FBXO36: variants seen among roughly 807,000 people sequenced by gnomAD.
FBXO36 encodes the protein F-box protein 36, also known as F-box only protein 36.
A neutral mutation model predicts 17.0 loss-of-function variants in FBXO36; 18 were observed. That is an observed-to-expected ratio of 1.06 (90% CI 0.73 to 1.57). The LOEUF (loss-of-function observed/expected upper bound fraction) is 1.57, where lower values mean the gene tolerates loss of function less well. Among genes scored for constraint, FBXO36 ranks in the 40% most tolerant of loss-of-function variants. FBXO36 has a pLI of 0.00. For synonymous variants in FBXO36, 83 were observed against 85.3 expected (o/e 0.97, Z 0.15); for missense variants, 229 against 221.9 (o/e 1.03, Z -0.20).
intron 1 of FBXO36, among the ~76,000 whole-genome samples, chr2:229,947,960 A>T (rs1192131174): frequency 6.6e-6 from 1 of 152,172 alleles, no homozygotes; most frequent in East Asian, 1.9e-4. Flanking sequence ...TTTGGATTAG[A>T]TTACCTAGAC....
chr2:229,965,469 C>T (rs945929970), intron 1 of FBXO36, among the ~76,000 whole-genome samples: 1 of 151,082 alleles, frequency 6.6e-6, no homozygotes, highest in Non-Finnish European at 1.5e-5. Flanking sequence ...TGGTGTGCTG[C>T]ACCCATTAAC....
intron 1 of FBXO36, among the ~76,000 whole-genome samples, chr2:229,927,204 GACACATATAT>G (rs1236814555): frequency 1.3e-5 from 2 of 152,154 alleles, no homozygotes; most frequent in Non-Finnish European, 2.9e-5. Context: ...GTACTTTCAT[GACACATATAT>G]ATTCCTATTT....
At chr2:229,936,106 C>T (rs1024932101) in intron 1 of FBXO36, among the ~76,000 whole-genome samples, 2 of 152,108 alleles carry the variant, frequency 1.3e-5, no homozygotes, top group Admixed American at 6.6e-5. Context: ...AATGCTTGAA[C>T]CGGGAGGCAG....
chr2:230,011,327 C>T lies in FBXO36; in HGVS notation c.*443C>T, dbSNP rs2077414379. ...CATGAAGCTGGTGGCTGAGTGTCCC[C>T]ACCAGGAACTGTGAAGGGCACGTAC... On this transcript the variant is annotated 3_prime_UTR_variant, in exon 4 of 4. Coordinates refer to ENST00000283946, the MANE Select transcript of FBXO36 (RefSeq NM_174899.5). 5.8e-5 allele frequency: 9 copies of T among 155,138 alleles called. No homozygotes were observed. The highest frequency in any genetic ancestry group is 5.7e-4 in the Admixed American group (9 of 15,758). 9.6% of individuals were successfully genotyped at this position (155,138 alleles called of 1,614,324 possible).
chr2:229,954,827 G>A (rs1194092165), intron 1 of FBXO36, among the ~76,000 whole-genome samples: 3 of 150,942 alleles, frequency 2.0e-5, no homozygotes, highest in Non-Finnish European at 2.9e-5. Context: ...GATTACAGGC[G>A]TGAGCCACCA....
chr2:229,961,095 C>T (rs1004354547), intron 1 of FBXO36, among the ~76,000 whole-genome samples: 2 of 151,096 alleles, frequency 1.3e-5, no homozygotes, highest in African/African-American at 4.9e-5. Flanking sequence ...GGCCTCAGAG[C>T]GAGACTCCAT....
In FBXO36 at chr2:229,963,306, C is replaced by T. The variant is rs921990094; in HGVS notation, c.97-12935C>T. ...GTTTAGATTTCCTGACCTCGTGATC[C>T]GCCCACCTCGGCCTCCCAAAGTGCT... On this transcript the variant is annotated intron_variant, in intron 1 of 3. Coordinates refer to ENST00000283946, the MANE Select transcript of FBXO36 (RefSeq NM_174899.5). 7.2e-5 allele frequency among the ~76,000 whole-genome samples: 11 copies of T among 151,856 alleles called. No homozygotes were observed. In the South Asian group the frequency reaches 1.0e-3, roughly 14 times the overall value.
intron 1 of FBXO36, among the ~76,000 whole-genome samples, chr2:229,944,918 TAATA>T (rs2077019098): frequency 6.6e-6 from 1 of 152,190 alleles, no homozygotes; most frequent in South Asian, 2.1e-4. Context: ...TTGTGTGAAC[TAATA>T]AATAATTTAG....
chr2:229,959,696 A>C (rs2077110733), intron 1 of FBXO36, among the ~76,000 whole-genome samples: 1 of 152,168 alleles, frequency 6.6e-6, no homozygotes, highest in South Asian at 2.1e-4. Context: ...ATACAAAAAA[A>C]TTAGCTGAGC....
At chr2:229,966,820 C>T (rs1387550340) in intron 1 of FBXO36, among the ~76,000 whole-genome samples, 4 of 152,148 alleles carry the variant, frequency 2.6e-5, no homozygotes, top group South Asian at 2.1e-4. Context: ...AGCGTGATGC[C>T]TCCAGCTTTG....
intron 2 of FBXO36, among the ~76,000 whole-genome samples, chr2:229,979,169 CAA>C (rs11368097): frequency 5.1e-4 from 66 of 129,494 alleles, no homozygotes; most frequent in Non-Finnish European, 5.6e-4. Flanking sequence ...TACTCTGTCT[CAA>C]AAAAAAAAAA....
At chr2:229,982,849 C>T (rs1351436349) in intron 2 of FBXO36, among the ~76,000 whole-genome samples, 1 of 151,640 alleles carries the variant, frequency 6.6e-6, no homozygotes, top group Non-Finnish European at 1.5e-5. Flanking sequence ...CGTGTGAGGT[C>T]CCATATTCAC....
chr2:229,945,762 C>G (rs2077023651), intron 1 of FBXO36, among the ~76,000 whole-genome samples: 3 of 151,972 alleles, frequency 2.0e-5, no homozygotes, highest in Admixed American at 1.3e-4. Flanking sequence ...GTGGCTCATG[C>G]CTGTAATCCC....
chr2:229,942,598 G>GA (rs954487586), intron 1 of FBXO36: 1 of 152,464 alleles, frequency 6.6e-6, no homozygotes, highest in Non-Finnish European at 1.5e-5. Context: ...GCCCTGGGGG[G>GA]GTCCAGGACA....
chr2:229,939,157 G>C, intron 1 of FBXO36: 2 of 870,466 alleles, frequency 2.3e-6, no homozygotes, highest in Non-Finnish European at 2.7e-6. Flanking sequence ...GGGTTCAAGC[G>C]ATTCTCCTGC....
At chr2:229,995,489 AAT>A (rs981128311) in intron 2 of FBXO36, among the ~76,000 whole-genome samples, 8 of 152,196 alleles carry the variant, frequency 5.3e-5, no homozygotes, top group African/African-American at 1.2e-4. Context: ...TACAAAAAAA[AAT>A]CATAATAATT....
chr2:229,930,019 C>A (rs1224491265), intron 1 of FBXO36, among the ~76,000 whole-genome samples: 1 of 152,112 alleles, frequency 6.6e-6, no homozygotes, highest in African/African-American at 2.4e-5. Context: ...TTTCCACAGC[C>A]TGGTCATCAT....
At chr2:229,929,590 C>T (rs905313456) in intron 1 of FBXO36, among the ~76,000 whole-genome samples, 1 of 151,230 alleles carries the variant, frequency 6.6e-6, no homozygotes, top group Non-Finnish European at 1.5e-5. Flanking sequence ...AAGAAAGACA[C>T]AGCCAGGCGC....
intron 3 of FBXO36, among the ~76,000 whole-genome samples, chr2:230,001,433 AC>A (rs2077358108): frequency 6.6e-6 from 1 of 151,424 alleles, no homozygotes; most frequent in Non-Finnish European, 1.5e-5. Flanking sequence ...GATTACAGGC[AC>A]CCACCACTGT....
Sources: gnomAD v4.1 joint callset for allele counts (sites outside exome capture counted in the v4.1 genomes callset) on GRCh38, gnomAD v4.1.1 for gene constraint, MANE v1.5 for transcripts, NCBI Gene and HGNC (gene_info 2026-07-23, HGNC 2026-07-21) for gene names.